TENM3: variants seen among roughly 807,000 people sequenced by gnomAD.
TENM3 encodes teneurin-3.
TENM3 carries 63 observed loss-of-function variants against 255.1 expected under a neutral mutation model. The observed-to-expected ratio is 0.25, with a 90% CI of 0.20 to 0.30. The LOEUF is 0.30. Ranked by LOEUF, TENM3 falls within the 10% of genes least tolerant of loss-of-function variation. The pLI, the probability that TENM3 is intolerant of heterozygous loss-of-function variation, is 1.00. For missense variants in TENM3, 2,929 were observed against 3,461.1 expected (o/e 0.85, Z 3.86); for synonymous variants, 1,306 against 1,322.3 (o/e 0.99, Z 0.27).
chr4:182,690,974 T>A (rs1756966350), intron 12 of TENM3, among the ~76,000 whole-genome samples: 1 of 152,260 alleles, frequency 6.6e-6, no homozygotes, highest in Non-Finnish European at 1.5e-5. Flanking sequence ...ATCTTAGATG[T>A]GAACCTTTTA....
the TENM3 span, among the ~76,000 whole-genome samples, chr4:181,926,780 G>A: frequency 6.6e-6 from 1 of 151,942 alleles, no homozygotes; most frequent in Non-Finnish European, 1.5e-5. Context: ...AATACAGAAG[G>A]CAGTGATTTC....
At chr4:182,523,893 T>C (rs1187240130) in intron 3 of TENM3, among the ~76,000 whole-genome samples, 2 of 152,230 alleles carry the variant, frequency 1.3e-5, no homozygotes, top group Non-Finnish European at 2.9e-5. Context: ...TTTATTACTT[T>C]CTTTTATAAT....
intron 2 of TENM3, among the ~76,000 whole-genome samples, chr4:182,335,305 T>C (rs1580198146): frequency 1.9e-4 from 9 of 47,438 alleles, no homozygotes; most frequent in Non-Finnish European, 4.6e-4. Flanking sequence ...GAGACCATCC[T>C]GTGAATGGTG....
intron 12 of TENM3, among the ~76,000 whole-genome samples, chr4:182,695,326 A>G (rs1324813957): frequency 6.6e-6 from 1 of 152,166 alleles, no homozygotes; most frequent in Admixed American, 6.5e-5. Flanking sequence ...CTAAGATCCC[A>G]CAAGGGAACA....
chr4:182,354,071 A>G (rs1031825182), intron 3 of TENM3, among the ~76,000 whole-genome samples: 1 of 152,212 alleles, frequency 6.6e-6, no homozygotes, highest in Non-Finnish European at 1.5e-5. Flanking sequence ...TTGTTACTAC[A>G]GGCTTAAGTA....
At chr4:181,488,537 C>G in the TENM3 span, among the ~76,000 whole-genome samples, 1 of 152,126 alleles carries the variant, frequency 6.6e-6, no homozygotes, top group Non-Finnish European at 1.5e-5. Flanking sequence ...GAAATGTAGT[C>G]AATTTTACCA....
chr4:182,744,327 A>G (rs1028739902), intron 19 of TENM3, among the ~76,000 whole-genome samples: 1 of 152,070 alleles, frequency 6.6e-6, no homozygotes, highest in African/African-American at 2.4e-5. Context: ...CAATTATTAT[A>G]CAATATATTG....
At chr4:182,235,541 A>G (rs1756841150) in intron 1 of TENM3, among the ~76,000 whole-genome samples, 1 of 152,200 alleles carries the variant, frequency 6.6e-6, no homozygotes, top group Admixed American at 6.5e-5. Context: ...AATAGCAGAG[A>G]GCAAACAGCA....
At chr4:181,852,791 C>T in the TENM3 span, among the ~76,000 whole-genome samples, 4 of 152,170 alleles carry the variant, frequency 2.6e-5, no homozygotes, top group African/African-American at 9.7e-5. Flanking sequence ...CTATTATAAT[C>T]CTGGTTCCTG....
At chr4:181,605,016 A>G in the TENM3 span, among the ~76,000 whole-genome samples, 1 of 152,212 alleles carries the variant, frequency 6.6e-6, no homozygotes, top group East Asian at 1.9e-4. Flanking sequence ...CTGTGGTGTA[A>G]TATAGTCATG....
At chr4:181,462,049 C>A in the TENM3 span, among the ~76,000 whole-genome samples, 1 of 152,070 alleles carries the variant, frequency 6.6e-6, no homozygotes, top group African/African-American at 2.4e-5. Context: ...TGGATTTGAC[C>A]GATTTGCTTT....
At chr4:182,027,248 G>T in the TENM3 span, among the ~76,000 whole-genome samples, 13 of 151,996 alleles carry the variant, frequency 8.6e-5, no homozygotes. Flanking sequence ...TTGTAAATGG[G>T]ATTACTTTTT....
the TENM3 span, among the ~76,000 whole-genome samples, chr4:181,626,208 A>C: frequency 6.6e-6 from 1 of 152,120 alleles, no homozygotes; most frequent in Non-Finnish European, 1.5e-5. Context: ...CAGAGGGGAC[A>C]CTGTGCATGA....
At chr4:182,724,921 TCCATCAAGTAAGAACTAAA>T (rs917453761) in intron 13 of TENM3, among the ~76,000 whole-genome samples, 10 of 152,170 alleles carry the variant, frequency 6.6e-5, no homozygotes, top group African/African-American at 2.4e-4. Flanking sequence ...CCATTCGAAA[TCCATCAAGTAAGAACTAAA>T]GGTACTATAT....
At chr4:182,548,761 G>C (rs1023475349) in intron 3 of TENM3, 6 of 151,682 alleles carry the variant, frequency 4.0e-5, no homozygotes, top group African/African-American at 1.5e-4. Context: ...AGACAGTCTT[G>C]GGATCTGTCT....
At chr4:182,734,209 G>A (rs2309766) in intron 16 of TENM3, among the ~76,000 whole-genome samples, 54,187 of 152,036 alleles carry the variant, frequency 0.36, 10,669 homozygotes, top group East Asian at 0.69. Flanking sequence ...GGCTGGAGAG[G>A]GAGGAAAGCA....
intron 3 of TENM3, among the ~76,000 whole-genome samples, chr4:182,491,523 T>C (rs1735298832): frequency 6.6e-6 from 1 of 152,212 alleles, no homozygotes; most frequent in Non-Finnish European, 1.5e-5. Flanking sequence ...TTTATATTTA[T>C]ATTTTTGTCA....
At chr4:181,683,731 G>A in the TENM3 span, among the ~76,000 whole-genome samples, 3 of 152,170 alleles carry the variant, frequency 2.0e-5, no homozygotes, top group East Asian at 5.8e-4. Context: ...GTGGCTGCAG[G>A]AATGGAGCAG....
the TENM3 span, among the ~76,000 whole-genome samples, chr4:181,713,372 TATA>T: frequency 1.3e-5 from 2 of 152,222 alleles, no homozygotes; most frequent in African/African-American, 4.8e-5. Context: ...AGAACAAAGA[TATA>T]TGATTTCTGA....
Sources: allele counts gnomAD v4.1 joint callset (sites outside exome capture counted in the v4.1 genomes callset), GRCh38; gene constraint gnomAD v4.1.1; transcripts MANE v1.5; gene names NCBI Gene and HGNC (gene_info 2026-07-23, HGNC 2026-07-21).